The following RAB30 variants were observed in gnomAD, a reference collection of about 807,000 sequenced individuals.
RAB30 encodes the protein ras-related protein Rab-30.
In RAB30, 9 loss-of-function variants were observed where a neutral mutation model predicts 25.1. The ratio of observed to expected loss-of-function variants is 0.36; its 90% confidence interval spans 0.22 to 0.63. The LOEUF (loss-of-function observed/expected upper bound fraction) is 0.63, where lower values mean the gene tolerates loss of function less well. RAB30 is among the 20% of genes least tolerant of loss of function. The pLI, the probability that RAB30 is intolerant of heterozygous loss-of-function variation, is 0.69. For missense variants in RAB30, 140 were observed against 243.5 expected (o/e 0.58, Z 2.83); for synonymous variants, 77 against 86.4 (o/e 0.89, Z 0.60).
chr11:83,009,076 C>CTT (rs3037193), intron 1 of RAB30, among the ~76,000 whole-genome samples: 4,947 of 143,306 alleles, frequency 0.035, 300 homozygotes, highest in African/African-American at 0.12. Context: ...AGCGGGAAAC[C>CTT]TTTTTTTTTT....
chr11:83,016,043 C>A (rs1381991499), intron 1 of RAB30, among the ~76,000 whole-genome samples: 1 of 152,126 alleles, frequency 6.6e-6, no homozygotes, highest in Non-Finnish European at 1.5e-5. Flanking sequence ...GAGGCTGAGG[C>A]AGGAGGATCG....
At chr11:83,060,673 A>G (rs754096625) in intron 1 of RAB30, among the ~76,000 whole-genome samples, 1 of 152,240 alleles carries the variant, frequency 6.6e-6, no homozygotes, top group Non-Finnish European at 1.5e-5. Context: ...AAATTTCAAT[A>G]TCATAAAAGG....
rs1233017104 is a variant in RAB30 at position 82,987,657 on chromosome 11, G to A, written c.291C>T (p.Phe97=). 1.2e-6 allele frequency: 2 copies of A among 1,613,788 alleles called. No individual in the cohort carries two copies. The highest frequency in any genetic ancestry group is 1.3e-5 in the African/African-American group (1 of 74,852). The stretch of plus-strand genomic sequence containing the variant: ...CCCGCAGCCACTCAGGAAGGCAACG[G>A]AAGGATTCCTCACAGGTAATGTCAT... The part of the protein sequence containing the change: ...LTYDITCEES[F]RCLPEWLREI... The change falls in exon 4 of 5, where the codon TTC becomes TTT. Residue 97 remains phenylalanine (F), a synonymous_variant. Coordinates refer to ENST00000527633, the MANE Select transcript of RAB30 (RefSeq NM_001286060.2).
chr11:83,032,425 G>C (rs1857887137), intron 1 of RAB30, among the ~76,000 whole-genome samples: 1 of 152,224 alleles, frequency 6.6e-6, no homozygotes, highest in Admixed American at 6.5e-5. Flanking sequence ...TTTCAGGGCA[G>C]AGAGTAGACA....
chr11:83,010,954 A>G (rs1175117319), intron 1 of RAB30, among the ~76,000 whole-genome samples: 1 of 152,220 alleles, frequency 6.6e-6, no homozygotes, highest in Non-Finnish European at 1.5e-5. Flanking sequence ...AATGTTGACA[A>G]TAGGCTGTAA....
At chr11:83,027,318 C>T (rs774103555) in intron 1 of RAB30, among the ~76,000 whole-genome samples, 8 of 152,026 alleles carry the variant, frequency 5.3e-5, no homozygotes, top group Non-Finnish European at 7.4e-5. Context: ...CAGTATCCAG[C>T]GTGGATGAGG....
intron 1 of RAB30, among the ~76,000 whole-genome samples, chr11:83,023,966 C>A (rs1590860027): frequency 6.6e-6 from 1 of 152,238 alleles, no homozygotes; most frequent in Non-Finnish European, 1.5e-5. Context: ...CCCACAATAC[C>A]TCGACAGAGT....
intron 1 of RAB30, among the ~76,000 whole-genome samples, chr11:83,025,234 G>A (rs1422910612): frequency 6.6e-6 from 1 of 152,170 alleles, no homozygotes; most frequent in Non-Finnish European, 1.5e-5. Flanking sequence ...AAAAAGCAAT[G>A]GAAGATGCTG....
intron 1 of RAB30, among the ~76,000 whole-genome samples, chr11:83,001,438 C>G (rs1857083469): frequency 6.6e-6 from 1 of 152,138 alleles, no homozygotes; most frequent in African/African-American, 2.4e-5. Flanking sequence ...CTCAGCCTTC[C>G]AAAGTGCTGG....
intron 2 of RAB30, among the ~76,000 whole-genome samples, chr11:82,996,053 A>G (rs1211342364): frequency 2.0e-5 from 3 of 152,210 alleles, no homozygotes; most frequent in African/African-American, 7.2e-5. Context: ...AGTTTCCAAT[A>G]TATCTCCATG....
chr11:82,988,276 G>A (rs532524299), intron 3 of RAB30, among the ~76,000 whole-genome samples: 1 of 152,304 alleles, frequency 6.6e-6, no homozygotes, highest in East Asian at 1.9e-4. Flanking sequence ...TGTGGTCCCA[G>A]AGTCCCCGTT....
At chr11:83,043,465 T>A (rs1858173047) in intron 1 of RAB30, among the ~76,000 whole-genome samples, 1 of 152,232 alleles carries the variant, frequency 6.6e-6, no homozygotes, top group Non-Finnish European at 1.5e-5. Context: ...ATGATTTGTT[T>A]ATCAGCTAGC....
intron 1 of RAB30, among the ~76,000 whole-genome samples, chr11:83,045,456 T>C (rs914075570): frequency 1.3e-5 from 2 of 152,170 alleles, no homozygotes; most frequent in Admixed American, 1.3e-4. Flanking sequence ...GAACAAATTG[T>C]ATATGCCAAG....
At chr11:83,035,614 T>C (rs1857970517) in intron 1 of RAB30, 1 of 152,264 alleles carries the variant, frequency 6.6e-6, no homozygotes, top group African/African-American at 2.4e-5. Flanking sequence ...GTGCCTCCTT[T>C]TTAAGCAACT....
At chr11:83,014,400 T>C (rs1857369103) in intron 1 of RAB30, among the ~76,000 whole-genome samples, 2 of 151,470 alleles carry the variant, frequency 1.3e-5, no homozygotes, top group African/African-American at 4.9e-5. Flanking sequence ...ATTTAAAAAT[T>C]AGCTGGATGT....
rs1037455941 is a variant in RAB30 at position 82,979,389 on chromosome 11, TTC to T, written c.*2774_*2775del. 3 of 152,168 alleles carry T rather than the reference TTC, an allele frequency of 2.0e-5. No individual in the cohort carries two copies. The highest frequency in any genetic ancestry group is 2.9e-5 in the Non-Finnish European group (2 of 68,026). The allele number at this position is 152,168 out of a possible 1,614,324, so 9.4% of individuals were successfully genotyped here. A position where few individuals can be genotyped will look rare whatever the true frequency, so the allele number is the denominator to read the frequency against. Reference sequence around the variant, plus strand: ...AAATTAAACTATATGATAAAGCAATTTCTCTTTTTTCATCCACCACTAAATGA... The same window carrying T: ...AAATTAAACTATATGATAAAGCAATTTCTTTTTTCATCCACCACTAAATGA... On this transcript the variant is annotated 3_prime_UTR_variant, in exon 5 of 5. Transcript: ENST00000527633.
Position 82,974,025 on chromosome 11 carries a change from A to G in RAB30, c.*8140T>C, listed in dbSNP as rs1231934889. 6.6e-6 allele frequency: 1 copy of G among 152,132 alleles called. No individual in the cohort carries two copies. The highest frequency in any genetic ancestry group is 2.4e-5 in the African/African-American group (1 of 41,448). 9.4% of individuals were successfully genotyped at this position (152,132 alleles called of 1,614,324 possible). ...ACAAAAGGCCACATGTTGTTTGACT[A>G]TATGAAATGTCCAGGATAGGCAAAT... is the stretch of plus-strand genomic sequence containing the variant. On this transcript the variant is annotated 3_prime_UTR_variant, in exon 5 of 5. Transcript: ENST00000527633.
At chr11:83,048,347 C>T (rs1159085284) in intron 1 of RAB30, among the ~76,000 whole-genome samples, 1 of 151,948 alleles carries the variant, frequency 6.6e-6, no homozygotes, top group Non-Finnish European at 1.5e-5. Flanking sequence ...TGGCACATGC[C>T]TGTAGTCCCA....
chr11:83,060,893 A>G lies in RAB30; in HGVS notation c.-9+10798T>C, dbSNP rs549251892. On this transcript the variant is annotated intron_variant, in intron 1 of 4. Transcript: ENST00000527633. ...AGTCTGCTGGGGGCCTGGAGAAAAC[A>G]AAAGCAGAGAAAAGGCGAATATGTC... Among the ~76,000 whole-genome samples, 236 of 152,318 alleles carry G rather than the reference A, an allele frequency of 1.5e-3. 1 individual carries two copies. Among genetic ancestry groups the G allele is most frequent in the African/African-American group, 5.4e-3 (223 of 41,570 alleles).
Sources: allele counts gnomAD v4.1 joint callset (sites outside exome capture counted in the v4.1 genomes callset), GRCh38; gene constraint gnomAD v4.1.1; transcripts MANE v1.5; gene names NCBI Gene and HGNC (gene_info 2026-07-23, HGNC 2026-07-21).